The following EXOC6 variants were observed in gnomAD, a reference collection of about 807,000 sequenced individuals.
EXOC6 encodes exocyst complex component 6.
EXOC6 carries 60 observed loss-of-function variants against 112.5 expected under a neutral mutation model. The observed-to-expected ratio is 0.53, with a 90% confidence interval of 0.43 to 0.66. The LOEUF is 0.66. Among genes scored for constraint, EXOC6 ranks in the 30% least tolerant of loss-of-function variants. EXOC6 has a pLI of 0.00. For synonymous variants in EXOC6, 295 were observed against 308.0 expected (o/e 0.96, Z 0.44); for missense variants, 855 against 957.1 (o/e 0.89, Z 1.41).
At chr10:92,989,731 A>G (rs994427600) in intron 18 of EXOC6, among the ~76,000 whole-genome samples, 4 of 152,236 alleles carry the variant, frequency 2.6e-5, no homozygotes, top group Non-Finnish European at 5.9e-5. Flanking sequence ...TTCAACATAC[A>G]GAAGTGATAT....
intron 20 of EXOC6, among the ~76,000 whole-genome samples, chr10:93,014,732 G>A (rs996011408): frequency 4.6e-5 from 7 of 152,010 alleles, no homozygotes; most frequent in African/African-American, 1.7e-4. Context: ...GTTGATCCCA[G>A]AAAGAAGGAT....
At chr10:93,040,022 G>A (rs1845687609) in intron 20 of EXOC6, among the ~76,000 whole-genome samples, 1 of 152,144 alleles carries the variant, frequency 6.6e-6, no homozygotes, top group Non-Finnish European at 1.5e-5. Flanking sequence ...TTGAGTGAAA[G>A]CTCCAGCCCC....
At chr10:92,877,414 C>T (rs1312373045) in intron 1 of EXOC6, among the ~76,000 whole-genome samples, 1 of 152,058 alleles carries the variant, frequency 6.6e-6, no homozygotes, top group African/African-American at 2.4e-5. Context: ...TTCTTTGAGC[C>T]TCATTTTCCT....
intron 1 of EXOC6, among the ~76,000 whole-genome samples, chr10:92,875,026 G>C (rs1589744173): frequency 6.6e-6 from 1 of 152,254 alleles, no homozygotes; most frequent in South Asian, 2.1e-4. Flanking sequence ...TCAGAGGGAA[G>C]GTAGGTATTA....
At chr10:93,057,816 T>C (rs1358077033) in intron 21 of EXOC6, among the ~76,000 whole-genome samples, 7 of 152,198 alleles carry the variant, frequency 4.6e-5, no homozygotes, top group Non-Finnish European at 7.4e-5. Context: ...TACAATGCCA[T>C]GAAATGCAAC....
chr10:93,015,315 C>G (rs1341667189), intron 20 of EXOC6, among the ~76,000 whole-genome samples: 1 of 152,026 alleles, frequency 6.6e-6, no homozygotes, highest in Non-Finnish European at 1.5e-5. Flanking sequence ...TACTTATTGT[C>G]TATTATATAT....
chr10:93,048,907 A>G (rs1846139687), intron 20 of EXOC6, among the ~76,000 whole-genome samples: 1 of 152,188 alleles, frequency 6.6e-6, no homozygotes, highest in Non-Finnish European at 1.5e-5. Flanking sequence ...TTAAAACTCA[A>G]CTACATAAGG....
rs118015701 is a variant in EXOC6, at chr10:92,859,624, A to G, written c.101+10990A>G. ...TAGGAGTAAGGAAAATAGGATAGGC[A>G]GAGATCAGCAAACCTGTGGGTTCCC... On this transcript the variant is annotated intron_variant, in intron 1 of 21. Coordinates refer to ENST00000260762, the MANE Select transcript of EXOC6 (RefSeq NM_019053.6). 8.6e-3 allele frequency among the ~76,000 whole-genome samples: 1,315 copies of G among 152,358 alleles called. 7 individuals are homozygous for G. The highest frequency in any genetic ancestry group is 0.014 in the Non-Finnish European group (947 of 68,034).
At chr10:92,893,294 C>A in intron 1 of EXOC6, 55 bp from the exon 2 acceptor site, 1 of 1,314,662 alleles carries the variant, frequency 7.6e-7, no homozygotes, top group South Asian at 1.7e-5. Context: ...TTGCAAAGAT[C>A]AGGCTTACTA....
At chr10:92,975,782 G>C (rs1489408607) in intron 18 of EXOC6, among the ~76,000 whole-genome samples, 1 of 135,744 alleles carries the variant, frequency 7.4e-6, no homozygotes, top group Non-Finnish European at 1.6e-5. Flanking sequence ...CCCCATCCGG[G>C]AGGGAGGTGG....
chr10:92,956,227 G>A (rs189280069), intron 17 of EXOC6, among the ~76,000 whole-genome samples: 10 of 152,172 alleles, frequency 6.6e-5, no homozygotes, highest in Admixed American at 4.6e-4. Flanking sequence ...TAGGTAGAAT[G>A]TAAGATTAAA....
chr10:92,952,388 T>C lies in EXOC6; in HGVS notation c.1526+6T>C. Reference sequence around the variant, plus strand: ...TCAGAGTCACTACACCGGAGGTGAGTTTACTAATCACAAATGCATTTTTGT... The same window carrying C: ...TCAGAGTCACTACACCGGAGGTGAGCTTACTAATCACAAATGCATTTTTGT... On this transcript the variant is annotated splice_donor_region_variant and intron_variant, in intron 15 of 21. Transcript: ENST00000260762. 6.7e-7 allele frequency: 1 copy of C among 1,494,250 alleles called. No individual in the cohort carries two copies. Among genetic ancestry groups the C allele is most frequent in the Non-Finnish European group, 9.3e-7 (1 of 1,075,868 alleles). 92.6% of individuals were successfully genotyped at this position (1,494,250 alleles called of 1,614,324 possible). A position where few individuals can be genotyped will look rare whatever the true frequency, so the allele number is the denominator to read the frequency against.
At chr10:92,926,464 A>G (rs1278084281) in intron 8 of EXOC6, among the ~76,000 whole-genome samples, 8 of 151,824 alleles carry the variant, frequency 5.3e-5, no homozygotes, top group African/African-American at 1.4e-4. Context: ...CTATATTTGT[A>G]TATTTTATAT....
chr10:92,961,154 A>G (rs150489365), intron 17 of EXOC6, among the ~76,000 whole-genome samples: 13 of 152,174 alleles, frequency 8.5e-5, no homozygotes, highest in South Asian at 2.1e-4. Context: ...TGTTTTATCT[A>G]TGTAAAGCTG....
chr10:93,032,385 C>A (rs11187246), intron 20 of EXOC6, among the ~76,000 whole-genome samples: 447 of 152,274 alleles, frequency 2.9e-3, no homozygotes, highest in Middle Eastern at 6.8e-3. Context: ...TCATTACATG[C>A]CTTTACGTCA....
upstream of EXOC6, among the ~76,000 whole-genome samples, chr10:92,830,207 C>T (rs149427278): frequency 1.3e-5 from 2 of 152,290 alleles, no homozygotes; most frequent in African/African-American, 4.8e-5. Flanking sequence ...TCTCTTGGGA[C>T]CCCTTTCTCG....
chr10:92,991,357 A>G (rs1843238126), intron 18 of EXOC6, among the ~76,000 whole-genome samples: 1 of 148,846 alleles, frequency 6.7e-6, no homozygotes, highest in Non-Finnish European at 1.5e-5. Flanking sequence ...AATCGCTTGA[A>G]CCTGGGAGGC....
chr10:92,908,297 C>T (rs982711030), intron 5 of EXOC6, among the ~76,000 whole-genome samples: 4 of 152,024 alleles, frequency 2.6e-5, no homozygotes, highest in Non-Finnish European at 4.4e-5. Flanking sequence ...TCAGGTGACC[C>T]GCCCACCTTA....
intron 8 of EXOC6, among the ~76,000 whole-genome samples, chr10:92,925,405 A>G (rs1036705639): frequency 1.3e-5 from 2 of 151,488 alleles, no homozygotes; most frequent in African/African-American, 4.9e-5. Context: ...AGCAATTATC[A>G]TGCCTCAGTC....
Sources: allele counts gnomAD v4.1 joint callset (sites outside exome capture counted in the v4.1 genomes callset), GRCh38; gene constraint gnomAD v4.1.1; transcripts MANE v1.5; gene names NCBI Gene and HGNC (gene_info 2026-07-23, HGNC 2026-07-21).